ACCSL: variants seen among roughly 807,000 people sequenced by gnomAD.
ACCSL encodes probable inactive 1-aminocyclopropane-1-carboxylate synthase-like protein 2.
A neutral mutation model predicts 61.7 loss-of-function variants in ACCSL; 55 were observed. The ratio of observed to expected loss-of-function variants is 0.89; its 90% confidence interval spans 0.72 to 1.12. ACCSL has a LOEUF of 1.12. Ranked by LOEUF, ACCSL falls within the 50% of genes most tolerant of loss-of-function variation. The probability of loss-of-function intolerance (pLI) is 0.00; values close to 1 mark genes in which losing one functional copy is unlikely to be tolerated. For synonymous variants in ACCSL, 258 were observed against 264.3 expected (o/e 0.98, Z 0.23); for missense variants, 632 against 698.0 (o/e 0.91, Z 1.07).
the ACCSL span, among the ~76,000 whole-genome samples, chr11:43,961,814 CA>C: frequency 6.6e-6 from 1 of 152,048 alleles, no homozygotes; most frequent in Admixed American, 6.6e-5. Flanking sequence ...TCAGCTATAA[CA>C]GGAAATATCC....
chr11:44,048,197 C>T lies in ACCSL; in HGVS notation c.161C>T (p.Ser54Leu), dbSNP rs376520618. ...FVQLTSRQGL[S>L]LEERRHTEAI... ...CAGCTGACGAGCAGACAGGGCCTGTCGCTGGAGGAAAGGAGGCACACTGAG... is the reference window on the plus strand; with the variant it reads ...CAGCTGACGAGCAGACAGGGCCTGTTGCTGGAGGAAAGGAGGCACACTGAG... Residue 54 changes from serine to leucine, a missense_variant, in exon 1 of 14, where the codon TCG becomes TTG. Ser to Leu is a moderately radical substitution (Grantham distance 145). Transcript: ENST00000378832. 38 of 1,613,968 alleles carry T rather than the reference C, an allele frequency of 2.4e-5. No individual in the cohort carries two copies. Among genetic ancestry groups the T allele is most frequent in the African/African-American group, 1.7e-4 (13 of 74,898 alleles).
At chr11:44,038,160 G>A in the ACCSL span, among the ~76,000 whole-genome samples, 2 of 152,142 alleles carry the variant, frequency 1.3e-5, no homozygotes, top group East Asian at 3.9e-4. Flanking sequence ...CTGCAGTGTG[G>A]TGAGCATGAG....
the ACCSL span, among the ~76,000 whole-genome samples, chr11:43,983,429 T>A: frequency 6.6e-6 from 1 of 152,162 alleles, no homozygotes; most frequent in African/African-American, 2.4e-5. Context: ...CAGGACTTCA[T>A]GAATGCACTT....
the ACCSL span, among the ~76,000 whole-genome samples, chr11:44,042,164 T>C: frequency 6.6e-6 from 1 of 152,226 alleles, no homozygotes; most frequent in Non-Finnish European, 1.5e-5. Context: ...CAAATCTTTA[T>C]CACTATTTAT....
the ACCSL span, among the ~76,000 whole-genome samples, chr11:43,927,617 T>C: frequency 6.6e-6 from 1 of 152,218 alleles, no homozygotes; most frequent in South Asian, 2.1e-4. Context: ...ACATCTCTGA[T>C]TGTTTCTTAG....
At chr11:44,001,711 A>T in the ACCSL span, among the ~76,000 whole-genome samples, 1 of 148,922 alleles carries the variant, frequency 6.7e-6, no homozygotes. Context: ...ACAGAAAAGG[A>T]GGCCAGCCTT....
At chr11:43,942,370 C>G in the ACCSL span, 227 of 216,076 alleles carry the variant, frequency 1.1e-3, no homozygotes, top group Admixed American at 2.9e-3. Flanking sequence ...TTGAGGGTCC[C>G]TGTCCGGGCG....
chr11:43,978,783 GTTTTTTTTTTTTT>G, the ACCSL span, among the ~76,000 whole-genome samples: 35 of 79,084 alleles, frequency 4.4e-4, no homozygotes, highest in East Asian at 1.1e-3. Context: ...GAGAAGGTGG[GTTTTTTTTTTTTT>G]TTTTTTTTTT....
At chr11:44,002,071 T>A in the ACCSL span, among the ~76,000 whole-genome samples, 1 of 151,918 alleles carries the variant, frequency 6.6e-6, no homozygotes, top group African/African-American at 2.4e-5. Flanking sequence ...CTGGTTTTGT[T>A]GAGCTTTTTT....
the ACCSL span, among the ~76,000 whole-genome samples, chr11:43,985,809 G>A: frequency 1.3e-5 from 2 of 152,074 alleles, no homozygotes; most frequent in African/African-American, 2.4e-5. Context: ...ACTTTGGGCC[G>A]GCGGATCACC....
the ACCSL span, chr11:43,933,293 A>T: frequency 1.3e-5 from 5 of 397,932 alleles, no homozygotes; most frequent in Non-Finnish European, 2.5e-5. Flanking sequence ...GTCCCTGTCC[A>T]CATATGAGGG....
the ACCSL span, among the ~76,000 whole-genome samples, chr11:43,983,523 G>A: frequency 6.6e-6 from 1 of 152,058 alleles, no homozygotes; most frequent in Admixed American, 6.5e-5. Flanking sequence ...AAGGGGAGAT[G>A]GGAACCAGAG....
At chr11:43,933,384 C>T in the ACCSL span, 211 of 313,844 alleles carry the variant, frequency 6.7e-4, no homozygotes, top group Non-Finnish European at 1.1e-3. Context: ...AGGATGGGGT[C>T]CCATCCTGAC....
At chr11:43,930,765 G>A in the ACCSL span, among the ~76,000 whole-genome samples, 1 of 152,164 alleles carries the variant, frequency 6.6e-6, no homozygotes, top group South Asian at 2.1e-4. Context: ...ATTGTTTTTA[G>A]CTCCTTTGAC....
At chr11:43,943,108 G>C in the ACCSL span, 1 of 1,500,376 alleles carries the variant, frequency 6.7e-7, no homozygotes. This position sits in a 1 kb window ranked among gnomAD's most constrained non-coding sequence, Gnocchi z 4.8. Flanking sequence ...AGGTGGAGGA[G>C]GAGGGGGTGT....
At chr11:43,925,484 C>T in the ACCSL span, 9 of 455,580 alleles carry the variant, frequency 2.0e-5, no homozygotes, top group African/African-American at 1.6e-4. Context: ...TAGCGTCGTC[C>T]TCCTGAATCT....
At chr11:43,989,266 G>A in the ACCSL span, among the ~76,000 whole-genome samples, 2 of 152,186 alleles carry the variant, frequency 1.3e-5, no homozygotes, top group African/African-American at 2.4e-5. Flanking sequence ...AGATGATGAC[G>A]ATCTGGCCTG....
the ACCSL span, among the ~76,000 whole-genome samples, chr11:43,980,543 A>C: frequency 3.9e-5 from 6 of 152,190 alleles, no homozygotes; most frequent in Admixed American, 1.3e-4. Context: ...TAATATGTTT[A>C]TTGGGTGCTT....
the ACCSL span, among the ~76,000 whole-genome samples, chr11:43,940,449 G>A: frequency 1.3e-5 from 2 of 151,108 alleles, no homozygotes; most frequent in African/African-American, 2.4e-5. Context: ...TCCACCTCCC[G>A]GGTTCACACC....
Sources: gnomAD v4.1 joint callset for allele counts (sites outside exome capture counted in the v4.1 genomes callset) on GRCh38, gnomAD v4.1.1 for gene constraint, Gnocchi (gnomAD v3.1) non-coding constraint, MANE v1.5 for transcripts, NCBI Gene and HGNC (gene_info 2026-07-23, HGNC 2026-07-21) for gene names.